Variants in TMEM132D observed in about 807,000 individuals in gnomAD.
The protein encoded by TMEM132D is mature OL transmembrane protein.
A neutral mutation model predicts 62.3 loss-of-function variants in TMEM132D; 21 were observed. The ratio of observed to expected loss-of-function variants is 0.34; its 90% CI spans 0.24 to 0.49. TMEM132D has a LOEUF of 0.49. Among genes scored for constraint, TMEM132D ranks in the 20% least tolerant of loss-of-function variants. The pLI is 0.99. For missense variants in TMEM132D, 1,346 were observed against 1,402.8 expected (o/e 0.96, Z 0.65); for synonymous variants, 621 against 575.6 (o/e 1.08, Z -1.13).
intron 1 of TMEM132D, among the ~76,000 whole-genome samples, chr12:129,802,912 T>G (rs1472875456): frequency 6.0e-5 from 9 of 151,158 alleles, no homozygotes; most frequent in South Asian, 2.1e-4. Flanking sequence ...AAACAGACTT[T>G]AAACCAACAA....
chr12:129,442,852 G>C (rs1872980139), intron 3 of TMEM132D, among the ~76,000 whole-genome samples: 1 of 152,108 alleles, frequency 6.6e-6, no homozygotes, highest in Non-Finnish European at 1.5e-5. Flanking sequence ...GTCTGCAAGA[G>C]GTACTGTTTT....
chr12:129,323,063 G>C (rs1868773334), intron 4 of TMEM132D, among the ~76,000 whole-genome samples: 1 of 152,154 alleles, frequency 6.6e-6, no homozygotes, highest in South Asian at 2.1e-4. Context: ...GTTTGTTGCT[G>C]ACAGGTTTAG....
intron 3 of TMEM132D, among the ~76,000 whole-genome samples, chr12:129,392,333 C>T (rs1031706637): frequency 6.6e-6 from 1 of 152,196 alleles, no homozygotes; most frequent in Non-Finnish European, 1.5e-5. Flanking sequence ...GCTGGGATTA[C>T]AGGCATGAGC....
rs1444886345 is a variant in TMEM132D, at chr12:129,297,948, G to GT, written c.1299+39685dup. Among the ~76,000 whole-genome samples, 8 of 152,250 alleles carry GT rather than the reference G, an allele frequency of 5.3e-5. No individual in the cohort carries two copies. In the South Asian group the frequency reaches 1.2e-3, roughly 24 times the overall value. On this transcript the variant is annotated intron_variant, in intron 4 of 8. Transcript: ENST00000422113. Reference sequence around the variant, plus strand: ...GAGGCTTTTGAGCTGGTAATTAAATGTTTTTTAGGAAGAACTGGTTATTTG... The same window carrying GT: ...GAGGCTTTTGAGCTGGTAATTAAATGTTTTTTTAGGAAGAACTGGTTATTTG...
chr12:129,875,922 T>C (rs1158976904), intron 1 of TMEM132D, among the ~76,000 whole-genome samples: 1 of 152,242 alleles, frequency 6.6e-6, no homozygotes. Context: ...ATTTTGTTAA[T>C]TCTGGCCTGG....
chr12:129,356,698 A>AAATT lies in TMEM132D; in HGVS notation c.1116-18882_1116-18881insAATT, dbSNP rs1275468689. ...TAAATAAATAAATAAATAAATAAAT[A>AAATT]AAATAAAAATACAAAAATTAGCCAG... On this transcript the variant is annotated intron_variant, in intron 3 of 8. Transcript: ENST00000422113. Among the ~76,000 whole-genome samples, 1,046 of 140,658 alleles carry AAATT rather than the reference A, an allele frequency of 7.4e-3. 7 individuals carry two copies. The highest frequency in any genetic ancestry group is 0.026 in the African/African-American group (988 of 38,096). 92.3% of individuals were successfully genotyped at this position (140,658 alleles called of 152,430 possible). A position where few individuals can be genotyped will look rare whatever the true frequency, so the allele number is the denominator to read the frequency against.
chr12:129,637,795 T>TGGCAGGAGAAGGAGCAAGGAA (rs1185911597), intron 2 of TMEM132D, among the ~76,000 whole-genome samples: 12 of 152,128 alleles, frequency 7.9e-5, no homozygotes, highest in Non-Finnish European at 2.9e-5. Context: ...GGGTCTTACA[T>TGGCAGGAGAAGGAGCAAGGAA]GGCAGGAGAA....
chr12:129,776,762 T>C (rs1295518189), intron 1 of TMEM132D, among the ~76,000 whole-genome samples: 1 of 141,740 alleles, frequency 7.1e-6, no homozygotes, highest in East Asian at 2.0e-4. Flanking sequence ...GTCAGGTCTG[T>C]AGCTACATTT....
chr12:129,446,773 C>T (rs1035941491), intron 3 of TMEM132D, among the ~76,000 whole-genome samples: 3 of 152,146 alleles, frequency 2.0e-5, no homozygotes, highest in African/African-American at 7.2e-5. Context: ...TCACAATTTC[C>T]CCCTCTCTTA....
At position 129,074,480 on chromosome 12, in the gene TMEM132D, C is replaced by T. The variant is rs764860393; in HGVS notation, c.2695G>A (p.Gly899Arg). Residue 899 changes from glycine to arginine, a missense_variant, in exon 9 of 9, where the codon GGG becomes AGG. Coordinates refer to ENST00000422113, the MANE Select transcript of TMEM132D (RefSeq NM_133448.3). Reference sequence around the variant, plus strand: ...ATAAGGTCATTCCCATCCATTTCCCCATTGCTTCTGGGGAGGTCCACCTGG... The same window carrying T: ...ATAAGGTCATTCCCATCCATTTCCCTATTGCTTCTGGGGAGGTCCACCTGG... Reference protein sequence around the residue: ...PAQVDLPRSNGEMDGNDLMQA... With the variant: ...PAQVDLPRSNREMDGNDLMQA... 1 of 1,614,128 alleles carries T rather than the reference C, an allele frequency of 6.2e-7. No homozygotes were observed. Among genetic ancestry groups the T allele is most frequent in the South Asian group, 1.1e-5 (1 of 91,070 alleles).
chr12:129,816,052 C>T (rs986432909), intron 1 of TMEM132D, among the ~76,000 whole-genome samples: 1 of 152,162 alleles, frequency 6.6e-6, no homozygotes, highest in Non-Finnish European at 1.5e-5. Context: ...AGTTCACCTG[C>T]AGGACAGCTG....
chr12:129,605,840 C>G (rs1878611053), intron 2 of TMEM132D, among the ~76,000 whole-genome samples: 5 of 151,664 alleles, frequency 3.3e-5, no homozygotes, highest in Non-Finnish European at 7.4e-5. Flanking sequence ...TTGCAAGGGA[C>G]AAGTAAACAA....
chr12:129,268,584 G>T (rs867224404), intron 4 of TMEM132D, among the ~76,000 whole-genome samples: 1 of 152,206 alleles, frequency 6.6e-6, no homozygotes, highest in Non-Finnish European at 1.5e-5. Context: ...TACACTGTTG[G>T]TGGGAGTGTA....
chr12:129,548,539 C>T lies in TMEM132D; in HGVS notation c.969-17334G>A, dbSNP rs532298084. ...AACTTTCCTGCTGAGGATGAAAATC[C>T]CATATTGGATATTAGGACCTAGGTA... On this transcript the variant is annotated intron_variant, in intron 2 of 8. Transcript: ENST00000422113. Among the ~76,000 whole-genome samples the T allele has an allele frequency of 9.8e-5, 15 of 152,314 alleles. No individual in the cohort carries two copies. The South Asian group carries it at 1.5e-3, about 15-fold the overall frequency.
intron 3 of TMEM132D, among the ~76,000 whole-genome samples, chr12:129,487,069 G>A (rs183576935): frequency 1.3e-5 from 2 of 152,178 alleles, no homozygotes; most frequent in East Asian, 1.9e-4. Flanking sequence ...GTGACAGTTG[G>A]TTTTGGTCAG....
chr12:129,297,549 T>C (rs1301585768), intron 4 of TMEM132D, among the ~76,000 whole-genome samples: 1 of 152,226 alleles, frequency 6.6e-6, no homozygotes, highest in Non-Finnish European at 1.5e-5. Context: ...AAGAATTGGC[T>C]TCAAAGCACC....
At chr12:129,221,693 A>T (rs558081744) in intron 4 of TMEM132D, among the ~76,000 whole-genome samples, 3 of 152,220 alleles carry the variant, frequency 2.0e-5, no homozygotes, top group South Asian at 4.2e-4. Context: ...AAACCTTTTC[A>T]ATCAATTTCC....
chr12:129,199,102 CTTTTTTTTTTTTTTT>C (rs58775767), intron 5 of TMEM132D, among the ~76,000 whole-genome samples: 4 of 95,824 alleles, frequency 4.2e-5, no homozygotes, highest in Non-Finnish European at 6.0e-5. Flanking sequence ...GTCCATCTAC[CTTTTTTTTTTTTTTT>C]TTTTTTTTTT....
intron 5 of TMEM132D, among the ~76,000 whole-genome samples, chr12:129,087,884 C>A (rs11060127): frequency 0.21 from 12,024 of 58,234 alleles, 1,710 homozygotes; most frequent in African/African-American, 0.48. Flanking sequence ...GGTGTCCTCC[C>A]TGACCGGGGT....
Sources: allele counts gnomAD v4.1 joint callset (sites outside exome capture counted in the v4.1 genomes callset), GRCh38; gene constraint gnomAD v4.1.1; transcripts MANE v1.5; gene names NCBI Gene and HGNC (gene_info 2026-07-23, HGNC 2026-07-21).